IL17REL: variants seen among roughly 807,000 people sequenced by gnomAD.
The protein encoded by IL17REL is interleukin-17 receptor E-like protein.
In IL17REL, 36 loss-of-function variants were observed where a neutral mutation model predicts 49.0. The observed-to-expected ratio is 0.73, with a 90% CI of 0.56 to 0.97. The LOEUF (loss-of-function observed/expected upper bound fraction) is 0.97, where lower values mean the gene tolerates loss of function less well. IL17REL is among the 50% of genes least tolerant of loss of function. IL17REL has a pLI of 0.00. For missense variants in IL17REL, 470 were observed against 453.9 expected, an observed-to-expected ratio of 1.04 and a Z score of -0.32; for synonymous variants, 206 against 192.4, an observed-to-expected ratio of 1.07 and a Z score of -0.58.
upstream of IL17REL, among the ~76,000 whole-genome samples, chr22:50,012,239 T>TG (rs1420893630): frequency 6.6e-6 from 1 of 152,028 alleles, no homozygotes; most frequent in Admixed American, 6.5e-5. Flanking sequence ...CCGAGCGGGG[T>TG]GGGGTGGGAG....
chr22:50,004,688 C>T (rs2061098997), intron 1 of IL17REL, among the ~76,000 whole-genome samples: 1 of 151,212 alleles, frequency 6.6e-6, no homozygotes, highest in Admixed American at 6.8e-5. Context: ...TGGTGAAACC[C>T]TGTCTCTACT....
At chr22:49,993,694 A>T (rs2146732116), downstream of IL17REL, among the ~76,000 whole-genome samples, 1 of 152,146 alleles carries the variant, frequency 6.6e-6, no homozygotes, top group Admixed American at 6.5e-5. The surrounding 1 kb of genome is among the most constrained non-coding windows in gnomAD (Gnocchi z 6.0). Flanking sequence ...AGTTTCCCCC[A>T]TCTGTGGAAG....
intron 4 of IL17REL, 21 bp downstream of exon 5, chr22:50,000,457 A>G: frequency 6.4e-7 from 1 of 1,559,446 alleles, no homozygotes; most frequent in Non-Finnish European, 8.8e-7. Context: ...AGCTGTGCTC[A>G]GGGGGCCCTG....
chr22:49,993,150 C>T (rs942411574), downstream of IL17REL, among the ~76,000 whole-genome samples: 1 of 152,204 alleles, frequency 6.6e-6, no homozygotes, highest in Admixed American at 6.5e-5. The surrounding 1 kb of genome is among the most constrained non-coding windows in gnomAD (Gnocchi z 6.0). Context: ...CAGACTTGGT[C>T]CCCCAGCTGC....
At chr22:50,009,832 C>G (rs552472827), upstream of IL17REL, among the ~76,000 whole-genome samples, 1 of 152,360 alleles carries the variant, frequency 6.6e-6, no homozygotes, top group Non-Finnish European at 1.5e-5. Flanking sequence ...AGAGAGTTTA[C>G]CCAGGATCCC....
chr22:50,010,735 G>A (rs939402642), upstream of IL17REL, among the ~76,000 whole-genome samples: 1 of 152,064 alleles, frequency 6.6e-6, no homozygotes, highest in South Asian at 2.1e-4. Context: ...GGCGCGGAAC[G>A]TCGCGCGGTT....
exon 7 of IL17REL, chr22:49,999,322 C>A: frequency 1.2e-6 from 2 of 1,612,986 alleles, no homozygotes; most frequent in Non-Finnish European, 1.7e-6. Context: ...GGATCCGCAC[C>A]GCGTCAGGGG....
upstream of IL17REL, among the ~76,000 whole-genome samples, chr22:50,010,629 G>T (rs955278836): frequency 2.0e-5 from 3 of 152,338 alleles, 1 homozygote; most frequent in South Asian, 6.2e-4. Context: ...GGCGAAGGGC[G>T]TCTGCTCTCT....
At chr22:49,997,463 G>C (rs776858563) in intron 10 of IL17REL, 1 of 1,564,336 alleles carries the variant, frequency 6.4e-7, no homozygotes, top group Non-Finnish European at 8.8e-7. Context: ...GTGGGCGAAG[G>C]CTGGATGGTC....
intron 11 of IL17REL, 122 bp from the exon 14 acceptor site, chr22:49,997,196 A>T: frequency 7.3e-7 from 1 of 1,376,388 alleles, no homozygotes; most frequent in Admixed American, 2.1e-5. Context: ...CCTCCCTGCC[A>T]GGTAGACTAG....
At chr22:49,997,160 C>G (rs1345078854) in intron 11 of IL17REL, 86 bp from the exon 14 acceptor site, 1 of 1,440,010 alleles carries the variant, frequency 6.9e-7, no homozygotes, top group East Asian at 2.4e-5. Flanking sequence ...CTCTCAGCAC[C>G]CACAAAGCAG....
chr22:50,010,975 G>T (rs188351863), upstream of IL17REL, among the ~76,000 whole-genome samples: 751 of 151,522 alleles, frequency 5.0e-3, 3 homozygotes, highest in Non-Finnish European at 8.9e-3. Flanking sequence ...CCTGCATGCG[G>T]CCCAGCCTCC....
intron 1 of IL17REL, among the ~76,000 whole-genome samples, chr22:50,004,242 C>T (rs761891735): frequency 6.6e-6 from 1 of 152,114 alleles, no homozygotes; most frequent in Non-Finnish European, 1.5e-5. Flanking sequence ...CCACACCCGA[C>T]TAATTTTTTA....
Position 50,006,971 on chromosome 22 carries a change from A to G in IL17REL, c.-42+1666T>C, listed in dbSNP as rs201063297. Among the ~76,000 whole-genome samples the G allele has an allele frequency of 2.5e-3, 373 of 149,538 alleles. 6 individuals carry two copies. The East Asian group carries it at 0.045, about 18-fold the overall frequency. On this transcript the variant is annotated intron_variant, in intron 1 of 12. Transcript: ENST00000341280. Reference sequence around the variant, plus strand: ...CTCTGTCTCAAAAAAAAAAAAAAAAAGGGAGGGGATGTTAAACTAAAAAAC... The same window carrying G: ...CTCTGTCTCAAAAAAAAAAAAAAAAGGGGAGGGGATGTTAAACTAAAAAAC...
At chr22:50,012,240 G>T (rs79641456), upstream of IL17REL, among the ~76,000 whole-genome samples, 1 of 152,342 alleles carries the variant, frequency 6.6e-6, no homozygotes, top group Non-Finnish European at 1.5e-5. Flanking sequence ...CGAGCGGGGT[G>T]GGGTGGGAGC....
Position 50,001,327 on chromosome 22 carries a change from C to CAA in IL17REL, c.-41-97_-41-96insTT, listed in dbSNP as rs2061079154. ...GAAGGGGGAGAGAGCCCTGGGGCTG[C>CAA]AGTCTTTGCCAGGGGGTCTTTACTA... On this transcript the variant is annotated intron_variant, in intron 1 of 12. Transcript: ENST00000341280. 1.0e-5 allele frequency: 5 copies of CAA among 488,296 alleles called. No individual in the cohort carries two copies. The South Asian group carries it at 1.1e-4, about 11-fold the overall frequency. The allele number at this position is 488,296 out of a possible 1,614,324, so 30.2% of individuals were successfully genotyped here.
chr22:50,007,265 C>T (rs754155893), intron 1 of IL17REL, among the ~76,000 whole-genome samples: 1 of 152,112 alleles, frequency 6.6e-6, no homozygotes, highest in Middle Eastern at 3.4e-3. Flanking sequence ...CCACCCAATG[C>T]GTAGGTTTAT....
At position 50,000,864 on chromosome 22, in the gene IL17REL, C is replaced by A; in HGVS notation, c.110-1G>T. 1 of 1,549,088 alleles carries A rather than the reference C, an allele frequency of 6.5e-7. No homozygotes were observed. The highest frequency in any genetic ancestry group is 1.2e-5 in the South Asian group (1 of 83,422). On this transcript the variant is annotated splice_acceptor_variant, in intron 2 of 12. Coordinates refer to ENST00000341280, the Ensembl canonical transcript of IL17REL. LOFTEE classifies it high-confidence loss of function. ...CAGGCCTCCAGGCCCCGCAGGCGCT[C>A]TGGGTGGAGGAAGGACCCGGCAGGG...
upstream of IL17REL, among the ~76,000 whole-genome samples, chr22:50,010,187 T>C (rs1409100752): frequency 3.9e-5 from 6 of 152,194 alleles, no homozygotes; most frequent in Admixed American, 3.3e-4. Flanking sequence ...CCGCCGCCCG[T>C]GGGCGGAGTA....
Sources: gnomAD v4.1 joint callset for allele counts (sites outside exome capture counted in the v4.1 genomes callset) on GRCh38, gnomAD v4.1.1 for gene constraint, Gnocchi (gnomAD v3.1) non-coding constraint, MANE v1.5 for transcripts, NCBI Gene and HGNC (gene_info 2026-07-23, HGNC 2026-07-21) for gene names.